USP43: variants seen among roughly 807,000 people sequenced by gnomAD.
USP43 encodes the protein ubiquitin specific peptidase 43, also known as ubiquitin carboxyl-terminal hydrolase 43.
A neutral mutation model predicts 90.7 loss-of-function variants in USP43; 33 were observed. The observed-to-expected ratio is 0.36, with a 90% CI of 0.28 to 0.49. The LOEUF (loss-of-function observed/expected upper bound fraction) is 0.49. USP43 is among the 20% of genes least tolerant of loss of function. USP43 has a pLI of 0.98. For synonymous variants in USP43, 598 were observed against 615.8 expected (o/e 0.97, Z 0.43); for missense variants, 1,274 against 1,476.4 (o/e 0.86, Z 2.25).
Position 9,645,605 on chromosome 17 carries a change from C to T in USP43, c.-28C>T. ...TCGTCCGCCTCGCGCCCGGGGGCTC[C>T]GCGCCTGGAGCTGCGCCGGCGGCAG... is the stretch of plus-strand genomic sequence containing the variant. On this transcript the variant is annotated 5_prime_UTR_variant, in exon 1 of 15. Transcript: ENST00000285199. This position sits in a 1 kb window ranked among gnomAD's most constrained non-coding sequence, Gnocchi z 6.8. The T allele has an allele frequency of 9.3e-6, 11 of 1,186,992 alleles. No homozygotes were observed. Among genetic ancestry groups the T allele is most frequent in the Non-Finnish European group, 1.0e-5 (10 of 959,554 alleles). 73.5% of individuals were successfully genotyped at this position (1,186,992 alleles called of 1,614,324 possible).
chr17:9,647,848 C>CAAAAAAAAAA lies in USP43; in HGVS notation c.504+1726_504+1735dup, dbSNP rs35223665. On this transcript the variant is annotated intron_variant, in intron 1 of 14. Transcript: ENST00000285199. The stretch of plus-strand genomic sequence containing the variant: ...TGAAACCCCGTCTTTACTAAAAATC[C>CAAAAAAAAAA]AAAAAAAAAAAAAAAAAAAAAAATT... Among the ~76,000 whole-genome samples, 62 of 81,782 alleles carry CAAAAAAAAAA rather than the reference C, an allele frequency of 7.6e-4. 1 individual carries two copies. The highest frequency in any genetic ancestry group is 1.2e-3 in the African/African-American group (25 of 21,726). 53.7% of individuals were successfully genotyped at this position (81,782 alleles called of 152,430 possible).
chr17:9,726,207 G>T (rs1464304759), intron 14 of USP43, among the ~76,000 whole-genome samples: 1 of 151,998 alleles, frequency 6.6e-6, no homozygotes, highest in Non-Finnish European at 1.5e-5. Flanking sequence ...TGCCTCCCCC[G>T]CGTTCCTGCA....
chr17:9,722,744 TC>T (rs1333757497), intron 14 of USP43, among the ~76,000 whole-genome samples: 1 of 152,056 alleles, frequency 6.6e-6, no homozygotes, highest in Non-Finnish European at 1.5e-5. Flanking sequence ...TCCCTGTCAT[TC>T]CCCCCAAAAT....
Position 9,682,848 on chromosome 17 carries a change from C to T in USP43, c.1131C>T (p.Ser377=), listed in dbSNP as rs12453943. The T allele has an allele frequency of 0.27, 435,892 of 1,613,684 alleles. 65,878 individuals are homozygous for T. The highest frequency in any genetic ancestry group is 0.59 in the East Asian group (26,476 of 44,844). Residue 377 remains serine (S), a synonymous_variant, in exon 7 of 15, where the codon TCC becomes TCT. Coordinates refer to ENST00000285199, the MANE Select transcript of USP43 (RefSeq NM_153210.5). ...CTCATCCACTGGGTCTGTCGGCCTC[C>T]CCACGCCTGGCAGCCCGTGAGGGCC... ...LSAHPLGLSA[S]PRLAAREGQR...
At chr17:9,681,738 C>T (rs1410745539) in intron 6 of USP43, among the ~76,000 whole-genome samples, 1 of 151,724 alleles carries the variant, frequency 6.6e-6, no homozygotes, top group African/African-American at 2.4e-5. Context: ...AGGTGATCCA[C>T]CTGCCTCAGC....
At chr17:9,681,343 T>C (rs28501651) in intron 6 of USP43, among the ~76,000 whole-genome samples, 1 of 115,838 alleles carries the variant, frequency 8.6e-6, no homozygotes, top group Non-Finnish European at 1.6e-5. Context: ...TAAATATATA[T>C]ATAAATAAAA....
intron 1 of USP43, among the ~76,000 whole-genome samples, chr17:9,649,677 T>TAAA (rs56962060): frequency 1.1e-3 from 115 of 108,070 alleles, no homozygotes; most frequent in African/African-American, 1.6e-3. Flanking sequence ...TTGCACATTG[T>TAAA]AAAAAAAAAA....
intron 9 of USP43, among the ~76,000 whole-genome samples, chr17:9,695,980 C>T (rs1461238125): frequency 3.3e-5 from 5 of 152,090 alleles, no homozygotes. Flanking sequence ...GAATAATATT[C>T]CATTGTATGT....
intron 7 of USP43, among the ~76,000 whole-genome samples, chr17:9,684,737 T>C (rs1043858342): frequency 5.1e-5 from 6 of 117,066 alleles, no homozygotes; most frequent in African/African-American, 1.8e-4. Flanking sequence ...CACTCCAGCC[T>C]GGGCAACAAG....
intron 14 of USP43, among the ~76,000 whole-genome samples, chr17:9,716,356 A>G (rs907061532): frequency 5.3e-5 from 8 of 152,210 alleles, no homozygotes; most frequent in Admixed American, 2.0e-4. Context: ...TATTAAGTAT[A>G]CAGCTGACAA....
In USP43 at chr17:9,671,031, T is replaced by C. The variant is rs552264595; in HGVS notation, c.741-3860T>C. ...CCTGGGATGGCATCAGCCTTCTTGA[T>C]GTAATTGAGAGATGGATGTTATTAT... On this transcript the variant is annotated intron_variant, in intron 3 of 14. Coordinates refer to ENST00000285199, the MANE Select transcript of USP43 (RefSeq NM_153210.5). Among the ~76,000 whole-genome samples, 6 of 152,260 alleles carry C rather than the reference T, an allele frequency of 3.9e-5. No individual in the cohort carries two copies. The South Asian group carries it at 1.2e-3, about 32-fold the overall frequency.
chr17:9,721,131 A>G (rs1415172633), intron 14 of USP43, among the ~76,000 whole-genome samples: 1 of 151,938 alleles, frequency 6.6e-6, no homozygotes, highest in Non-Finnish European at 1.5e-5. Flanking sequence ...CAATTTTTAT[A>G]CAACCATGAC....
At chr17:9,671,546 G>T (rs1913440223) in intron 3 of USP43, among the ~76,000 whole-genome samples, 1 of 152,218 alleles carries the variant, frequency 6.6e-6, no homozygotes, top group African/African-American at 2.4e-5. Context: ...CAGGGGCAAA[G>T]CCTGGGGCTC....
chr17:9,647,848 C>CAAAAAAA (rs35223665), intron 1 of USP43, among the ~76,000 whole-genome samples: 1,068 of 81,970 alleles, frequency 0.013, 63 homozygotes, highest in African/African-American at 0.045. Flanking sequence ...ACTAAAAATC[C>CAAAAAAA]AAAAAAAAAA....
intron 9 of USP43, among the ~76,000 whole-genome samples, chr17:9,698,137 T>C (rs1915381647): frequency 6.6e-6 from 1 of 152,198 alleles, no homozygotes. Flanking sequence ...TATGTCTTCT[T>C]TGGAGAGATG....
rs367655692 is a variant in USP43, at chr17:9,729,110, AT to A, written c.*133del. 0.054 allele frequency: 42,582 copies of A among 789,316 alleles called. 2 individuals are homozygous for A. The highest frequency in any genetic ancestry group is 0.065 in the South Asian group (1,742 of 26,746). 48.9% of individuals were successfully genotyped at this position (789,316 alleles called of 1,614,324 possible). On this transcript the variant is annotated 3_prime_UTR_variant, in exon 15 of 15. Transcript: ENST00000285199. ...GTTGTCTTGTAATCTCTAAAAAAAA[AT>A]TTTTTTTTTTTTGTGGTGGGGGGTC...
At chr17:9,657,893 T>A (rs1320843419) in intron 2 of USP43, among the ~76,000 whole-genome samples, 1 of 150,198 alleles carries the variant, frequency 6.7e-6, no homozygotes, top group Non-Finnish European at 1.5e-5. Flanking sequence ...TAACAACATC[T>A]GTGAATAATC....
intron 12 of USP43, among the ~76,000 whole-genome samples, chr17:9,706,781 C>A (rs1915908070): frequency 6.6e-6 from 1 of 151,524 alleles, no homozygotes; most frequent in Non-Finnish European, 1.5e-5. Context: ...GTAGCTGGGA[C>A]TACAGGCGGG....
At chr17:9,676,206 C>A (rs1320242170) in intron 4 of USP43, among the ~76,000 whole-genome samples, 2 of 152,150 alleles carry the variant, frequency 1.3e-5, no homozygotes, top group East Asian at 3.8e-4. Context: ...TGAGATCGGA[C>A]ATCTCTATGG....
Sources: gnomAD v4.1 joint callset for allele counts (sites outside exome capture counted in the v4.1 genomes callset) on GRCh38, gnomAD v4.1.1 for gene constraint, Gnocchi (gnomAD v3.1) non-coding constraint, MANE v1.5 for transcripts, NCBI Gene and HGNC (gene_info 2026-07-23, HGNC 2026-07-21) for gene names.